Variants in PCSK6 observed in about 807,000 individuals in gnomAD.
PCSK6 encodes the protein proprotein convertase subtilisin/kexin type 6, also known as paired basic amino acid cleaving enzyme 4.
PCSK6 carries 85 observed loss-of-function variants against 123.3 expected under a neutral mutation model. That is an observed-to-expected ratio of 0.69 (90% CI 0.58 to 0.83). PCSK6 has a LOEUF of 0.83. Ranked by LOEUF, PCSK6 falls within the 40% of genes least tolerant of loss-of-function variation. The pLI, the probability that PCSK6 is intolerant of heterozygous loss-of-function variation, is 0.00. For synonymous variants in PCSK6, 508 were observed against 516.0 expected (o/e 0.98, Z 0.21); for missense variants, 1,191 against 1,282.3 (o/e 0.93, Z 1.09).
chr15:101,384,147 T>C, intron 10 of PCSK6, 175 bp downstream of exon 10: 2 of 1,413,926 alleles, frequency 1.4e-6, no homozygotes, highest in Non-Finnish European at 1.9e-6. Context: ...GTAATGTCAC[T>C]GTGAGCTTCC....
Position 101,398,714 on chromosome 15 carries a change from C to T in PCSK6, c.824-138G>A. 1 of 921,784 alleles carries T rather than the reference C, an allele frequency of 1.1e-6. No individual in the cohort carries two copies. Among genetic ancestry groups the T allele is most frequent in the Non-Finnish European group, 1.6e-6 (1 of 635,160 alleles). The allele number at this position is 921,784 out of a possible 1,614,324, so 57.1% of individuals were successfully genotyped here. On this transcript the variant is annotated intron_variant, in intron 6 of 21. Transcript: ENST00000611716. This position sits in a 1 kb window ranked among gnomAD's most constrained non-coding sequence, Gnocchi z 4.6. ...GCAGGGGCTGTTCCCAGTCATTCTG[C>T]AAAACTGGCTCCTCTTCTCCATGCT...
At chr15:101,363,085 G>C (rs1476579429) in intron 13 of PCSK6, among the ~76,000 whole-genome samples, 1 of 152,210 alleles carries the variant, frequency 6.6e-6, no homozygotes, top group Admixed American at 6.5e-5. Context: ...AGAGAAGTGG[G>C]TGGTGGCTGG....
intron 6 of PCSK6, among the ~76,000 whole-genome samples, chr15:101,406,708 G>A (rs2042791321): frequency 6.6e-6 from 1 of 152,122 alleles, no homozygotes; most frequent in Admixed American, 6.6e-5. Context: ...GAGCTCCAGG[G>A]AGCTGTGGTC....
At chr15:101,341,894 C>T (rs1437213487) in intron 13 of PCSK6, among the ~76,000 whole-genome samples, 1 of 152,020 alleles carries the variant, frequency 6.6e-6, no homozygotes, top group African/African-American at 2.4e-5. Context: ...TTTTGGGAGG[C>T]CAAGGTGTAT....
At chr15:101,307,444 G>A in intron 20 of PCSK6, 119 bp from the exon 21 acceptor site, 1 of 683,782 alleles carries the variant, frequency 1.5e-6, no homozygotes, top group Non-Finnish European at 2.6e-6. Context: ...TCGGTCCTCT[G>A]TGGAGAGGCT....
At chr15:101,423,884 G>C (rs1238738258) in intron 6 of PCSK6, among the ~76,000 whole-genome samples, 2 of 152,136 alleles carry the variant, frequency 1.3e-5, no homozygotes, top group African/African-American at 2.4e-5. Flanking sequence ...AAGAATGTTA[G>C]AGCCACAGGC....
chr15:101,418,881 A>G (rs7177842), intron 6 of PCSK6, among the ~76,000 whole-genome samples: 4,017 of 152,310 alleles, frequency 0.026, 189 homozygotes, highest in African/African-American at 0.092. Context: ...GAAAAACAAT[A>G]TAATAATCTC....
chr15:101,345,066 C>G (rs1297179244), intron 13 of PCSK6, among the ~76,000 whole-genome samples: 1 of 152,192 alleles, frequency 6.6e-6, no homozygotes, highest in Admixed American at 6.5e-5. Context: ...AGTTACACAG[C>G]TTTGTCTGTG....
chr15:101,352,686 C>T (rs2141414301), intron 13 of PCSK6, among the ~76,000 whole-genome samples: 1 of 152,310 alleles, frequency 6.6e-6, no homozygotes, highest in African/African-American at 2.4e-5. Context: ...TTAAAAAACA[C>T]AGTTAAACAC....
chr15:101,483,434 G>C (rs1343628422), intron 1 of PCSK6, among the ~76,000 whole-genome samples: 1 of 152,190 alleles, frequency 6.6e-6, no homozygotes, highest in Non-Finnish European at 1.5e-5. Flanking sequence ...GATCATTTAA[G>C]GCTCTTAGAT....
At chr15:101,453,468 C>G (rs567409112) in intron 1 of PCSK6, among the ~76,000 whole-genome samples, 1 of 152,240 alleles carries the variant, frequency 6.6e-6, no homozygotes, top group Non-Finnish European at 1.5e-5. Flanking sequence ...CCGATGCCCA[C>G]AGGGCCCAGC....
intron 1 of PCSK6, among the ~76,000 whole-genome samples, chr15:101,470,542 C>T (rs961668998): frequency 6.6e-6 from 1 of 152,086 alleles, no homozygotes; most frequent in Admixed American, 6.5e-5. Flanking sequence ...GTTTAATGTC[C>T]TTTCATTTCT....
At chr15:101,411,787 A>G (rs4517774) in intron 6 of PCSK6, among the ~76,000 whole-genome samples, 1 of 152,072 alleles carries the variant, frequency 6.6e-6, no homozygotes, top group Non-Finnish European at 1.5e-5. Context: ...GAGGTGCCCG[A>G]CCTCACTGCT....
chr15:101,351,134 C>T (rs1216181288), intron 13 of PCSK6, among the ~76,000 whole-genome samples: 2 of 152,210 alleles, frequency 1.3e-5, no homozygotes, highest in African/African-American at 4.8e-5. Context: ...TTTTACCAAC[C>T]CGTCTTCAGT....
intron 7 of PCSK6, among the ~76,000 whole-genome samples, chr15:101,397,804 G>A (rs2042457954): frequency 2.0e-5 from 3 of 152,232 alleles, no homozygotes; most frequent in Non-Finnish European, 2.9e-5. Context: ...AGTGGCTGGC[G>A]GGTGGCCTCG....
At chr15:101,371,156 G>A (rs367554305) in intron 11 of PCSK6, among the ~76,000 whole-genome samples, 2 of 152,280 alleles carry the variant, frequency 1.3e-5, no homozygotes, top group African/African-American at 4.8e-5. Context: ...GCAGCGAGCC[G>A]AGGTCGCACC....
rs1488900950 is a variant in PCSK6, at chr15:101,422,183, T to A, written c.823+5709A>T. Among the ~76,000 whole-genome samples, 3 of 151,774 alleles carry A rather than the reference T, an allele frequency of 2.0e-5. No individual in the cohort carries two copies. In the East Asian group the frequency reaches 5.8e-4, roughly 29 times the overall value. On this transcript the variant is annotated intron_variant, in intron 6 of 21. Transcript: ENST00000611716. The stretch of plus-strand genomic sequence containing the variant: ...AATGTCATCTTATTCTCCAGAGGAG[T>A]CAGGGGATAGAGTTGGGACTGTCAG...
chr15:101,354,141 G>A (rs1021370051), intron 13 of PCSK6, among the ~76,000 whole-genome samples: 1 of 152,084 alleles, frequency 6.6e-6, no homozygotes, highest in Non-Finnish European at 1.5e-5. Flanking sequence ...TCTTGAAAAG[G>A]AAGCATAAGC....
intron 11 of PCSK6, among the ~76,000 whole-genome samples, chr15:101,381,190 C>T (rs945393954): frequency 6.6e-6 from 1 of 152,074 alleles, no homozygotes; most frequent in Admixed American, 6.6e-5. Context: ...GGTGAAACCC[C>T]ATCTCTACTA....
Sources: gnomAD v4.1 joint callset for allele counts (sites outside exome capture counted in the v4.1 genomes callset) on GRCh38, gnomAD v4.1.1 for gene constraint, Gnocchi (gnomAD v3.1) non-coding constraint, MANE v1.5 for transcripts, NCBI Gene and HGNC (gene_info 2026-07-23, HGNC 2026-07-21) for gene names.